The following MUSK variants were observed in gnomAD, a reference collection of about 807,000 sequenced individuals.
MUSK encodes muscle, skeletal receptor tyrosine-protein kinase.
Under a neutral mutation model 88.7 loss-of-function variants are expected in MUSK, and 55 were observed. That is an observed-to-expected ratio of 0.62 (90% CI 0.50 to 0.78). MUSK has a LOEUF of 0.78. Ranked by LOEUF, MUSK falls within the 30% of genes least tolerant of loss-of-function variation. The probability of loss-of-function intolerance (pLI) is 0.00; values close to 1 mark genes in which losing one functional copy is unlikely to be tolerated. For missense variants in MUSK, 1,015 were observed against 1,074.3 expected, an observed-to-expected ratio of 0.94 and a Z score of 0.77; for synonymous variants, 387 against 391.9, an observed-to-expected ratio of 0.99 and a Z score of 0.15.
chr9:110,774,862 T>TACAC (rs1253001997), intron 9 of MUSK, among the ~76,000 whole-genome samples: 7 of 87,490 alleles, frequency 8.0e-5, no homozygotes, highest in Non-Finnish European at 1.6e-4. Context: ...TTGTGGCATA[T>TACAC]ATATACACAC....
At chr9:110,705,686 G>T (rs1184744981) in intron 5 of MUSK, among the ~76,000 whole-genome samples, 1 of 152,208 alleles carries the variant, frequency 6.6e-6, no homozygotes, top group African/African-American at 2.4e-5. Context: ...GTTCCTATAG[G>T]AAAGGGAAGC....
At chr9:110,713,038 A>T (rs1587942141) in intron 5 of MUSK, among the ~76,000 whole-genome samples, 2 of 152,276 alleles carry the variant, frequency 1.3e-5, no homozygotes, top group Admixed American at 1.3e-4. Context: ...GCTCTTGGTG[A>T]GGATCATATC....
At chr9:110,799,275 T>C (rs2078057006) in intron 14 of MUSK, among the ~76,000 whole-genome samples, 1 of 152,194 alleles carries the variant, frequency 6.6e-6, no homozygotes, top group Non-Finnish European at 1.5e-5. Context: ...GATCTAATAA[T>C]CTATTTTTAA....
chr9:110,712,968 G>A (rs759870977), intron 5 of MUSK, among the ~76,000 whole-genome samples: 1 of 152,300 alleles, frequency 6.6e-6, no homozygotes, highest in East Asian at 1.9e-4. Flanking sequence ...ATAGGGAAAG[G>A]TCAGGGAAAT....
At position 110,671,018 on chromosome 9, in the gene MUSK, C is replaced by T. The variant is rs144236668; in HGVS notation, c.79+2035C>T. 7.9e-5 allele frequency among the ~76,000 whole-genome samples: 12 copies of T among 152,238 alleles called. 1 individual carries two copies. In the East Asian group the frequency reaches 1.9e-3, roughly 24 times the overall value. ...GACAGAGTCTCGTTCTGTTGCCAGG[C>T]TGCAGTGCAGTGGTGTGATCTCAGC... On this transcript the variant is annotated intron_variant, in intron 1 of 14. Coordinates refer to ENST00000374448, the MANE Select transcript of MUSK (RefSeq NM_005592.4).
intron 9 of MUSK, 131 bp from the exon 10 acceptor site, chr9:110,775,655 CTT>C (rs1160503273): frequency 1.3e-6 from 1 of 778,896 alleles, no homozygotes; most frequent in South Asian, 1.6e-5. Flanking sequence ...TAAAAAGTTT[CTT>C]TCATAAACGC....
chr9:110,757,820 TG>T (rs2077346537), intron 7 of MUSK, among the ~76,000 whole-genome samples: 1 of 152,226 alleles, frequency 6.6e-6, no homozygotes, highest in African/African-American at 2.4e-5. Context: ...TATATACATA[TG>T]TATGCATTAA....
rs199811263 is a variant in MUSK, at chr9:110,800,329, A to G, written c.1951A>G (p.Met651Val). ...LLGVCAVGKPMCLLFEYMAYG... is the reference protein window; with the variant it reads ...LLGVCAVGKPVCLLFEYMAYG... Reference sequence around the variant, plus strand: ...AGGAGTGTGTGCTGTCGGGAAGCCAATGTGCCTGCTCTTTGAATACATGGC... The same window carrying G: ...AGGAGTGTGTGCTGTCGGGAAGCCAGTGTGCCTGCTCTTTGAATACATGGC... The change falls in exon 15 of 15, where the codon ATG (methionine) becomes GTG (valine). Residue 651 changes from methionine (M) to valine (V), a missense_variant. By Grantham distance (21) the Met-to-Val change is conservative. Transcript: ENST00000374448. 6.2e-7 allele frequency: 1 copy of G among 1,610,786 alleles called. No homozygotes were observed.
At position 110,804,595 on chromosome 9, in the gene MUSK, A is replaced by T. The variant is rs766970256; in HGVS notation, c.*3607A>T. ...TCTGCTGTGTTCATTTTCTAATCGA[A>T]TTATGGGATTTATCTTGTAAAAAGC... On this transcript the variant is annotated 3_prime_UTR_variant, in exon 15 of 15. Coordinates refer to ENST00000374448, the MANE Select transcript of MUSK (RefSeq NM_005592.4). 1.4e-4 allele frequency among the ~76,000 whole-genome samples: 21 copies of T among 152,002 alleles called. No individual in the cohort carries two copies. Among genetic ancestry groups the T allele is most frequent in the Non-Finnish European group, 2.7e-4 (18 of 67,922 alleles).
chr9:110,689,682 A>ACTATATATATATATAAATATATAG, intron 3 of MUSK, among the ~76,000 whole-genome samples: 1 of 77,406 alleles, frequency 1.3e-5, no homozygotes, highest in Non-Finnish European at 2.1e-5. Context: ...ATTATATATA[A>ACTATATATATATATAAATATATAG]CTATATATAG....
rs1010141394 is a variant in MUSK at position 110,687,338 on chromosome 9, T to C, written c.358+70T>C. The C allele has an allele frequency of 3.8e-6, 6 of 1,581,950 alleles. No individual in the cohort carries two copies. The African/African-American group carries it at 8.1e-5, about 21-fold the overall frequency. ...GTACACTTAGTTTTGTATTTATTTT[T>C]TACATTTTTTTTTTGAGACAGAGTC... On this transcript the variant is annotated intron_variant, in intron 3 of 14. Transcript: ENST00000374448.
intron 7 of MUSK, among the ~76,000 whole-genome samples, chr9:110,756,540 TAA>T (rs145365346): frequency 5.1e-4 from 73 of 143,890 alleles, no homozygotes; most frequent in African/African-American, 1.8e-3. Flanking sequence ...GTAATATTAT[TAA>T]AAAAAAAAAA....
At position 110,806,471 on chromosome 9, in the gene MUSK, G is replaced by T; in HGVS notation, c.*5483G>T. On this transcript the variant is annotated 3_prime_UTR_variant, in exon 15 of 15. Transcript: ENST00000374448. ...TCTGTAATATTTGCATTTTGTTCTG[G>T]AACAAATTAAGATTTAGGTGCTTTG... 6.6e-6 allele frequency among the ~76,000 whole-genome samples: 1 copy of T among 151,866 alleles called. No homozygotes were observed. Among genetic ancestry groups the T allele is most frequent in the East Asian group, 1.9e-4 (1 of 5,182 alleles).
At chr9:110,734,490 C>A in intron 6 of MUSK, 115 bp downstream of exon 6, 1 of 1,286,404 alleles carries the variant, frequency 7.8e-7, no homozygotes, top group Non-Finnish European at 1.1e-6. Context: ...ACCTACACCA[C>A]TTTTCAAAGC....
chr9:110,781,227 C>T (rs2077749328), intron 11 of MUSK, among the ~76,000 whole-genome samples: 1 of 150,794 alleles, frequency 6.6e-6, no homozygotes, highest in Non-Finnish European at 1.5e-5. Flanking sequence ...TCTTAATTCC[C>T]CCATCCCACA....
chr9:110,682,879 TAGATG>T, intron 2 of MUSK, 79 bp downstream of exon 2: 1 of 1,042,828 alleles, frequency 9.6e-7, no homozygotes, highest in Non-Finnish European at 1.3e-6. Flanking sequence ...ATTTATGAAG[TAGATG>T]AGATGTTTTG....
At chr9:110,702,310 G>A (rs1024842469) in intron 5 of MUSK, among the ~76,000 whole-genome samples, 5 of 151,990 alleles carry the variant, frequency 3.3e-5, no homozygotes, top group African/African-American at 1.2e-4. Flanking sequence ...CATAACCTAG[G>A]AGATTGGTTT....
chr9:110,755,392 C>G (rs72756529), intron 7 of MUSK, among the ~76,000 whole-genome samples: 1,725 of 152,280 alleles, frequency 0.011, 14 homozygotes, highest in South Asian at 0.023. Context: ...AGAGAGGTAA[C>G]AAAGACCTGA....
At chr9:110,731,937 A>C (rs2076969342) in intron 5 of MUSK, among the ~76,000 whole-genome samples, 1 of 83,366 alleles carries the variant, frequency 1.2e-5, no homozygotes, top group South Asian at 3.1e-4. Flanking sequence ...AAATTAGGAC[A>C]AAATAAAACC....
Sources: allele counts gnomAD v4.1 joint callset (sites outside exome capture counted in the v4.1 genomes callset), GRCh38; gene constraint gnomAD v4.1.1; transcripts MANE v1.5; gene names NCBI Gene and HGNC (gene_info 2026-07-23, HGNC 2026-07-21).